Variants in TENM3 observed in about 807,000 individuals in gnomAD.
The protein encoded by TENM3 is teneurin-3.
Under a neutral mutation model 255.1 loss-of-function variants are expected in TENM3, and 63 were observed. The observed-to-expected ratio is 0.25, with a 90% CI of 0.20 to 0.30. The LOEUF (loss-of-function observed/expected upper bound fraction) is 0.30. Ranked by LOEUF, TENM3 falls within the 10% of genes least tolerant of loss-of-function variation. The probability of loss-of-function intolerance (pLI) is 1.00; values close to 1 mark genes in which losing one functional copy is unlikely to be tolerated. For missense variants in TENM3, 2,929 were observed against 3,461.1 expected (o/e 0.85, Z 3.86); for synonymous variants, 1,306 against 1,322.3 (o/e 0.99, Z 0.27).
At chr4:182,779,418 A>G (rs1179188468) in intron 24 of TENM3, among the ~76,000 whole-genome samples, 3 of 152,224 alleles carry the variant, frequency 2.0e-5, no homozygotes, top group African/African-American at 4.8e-5. Context: ...ATAGTATTCC[A>G]TGGTGTATAT....
chr4:182,725,912 A>G (rs1760135121), intron 13 of TENM3, among the ~76,000 whole-genome samples: 1 of 152,172 alleles, frequency 6.6e-6, no homozygotes, highest in Admixed American at 6.5e-5. Context: ...TGCTGGGATT[A>G]CAGGTGTGAG....
At chr4:181,546,551 T>A in the TENM3 span, among the ~76,000 whole-genome samples, 1 of 132,700 alleles carries the variant, frequency 7.5e-6, no homozygotes, top group African/African-American at 2.6e-5. Flanking sequence ...CCGTCTCTAC[T>A]AAAAATACAA....
the TENM3 span, among the ~76,000 whole-genome samples, chr4:182,021,813 A>G: frequency 6.6e-6 from 1 of 152,194 alleles, no homozygotes; most frequent in Non-Finnish European, 1.5e-5. Context: ...TTCTCTCTTC[A>G]ATATTTACTT....
chr4:182,089,530 A>G, the TENM3 span, among the ~76,000 whole-genome samples: 49,267 of 152,050 alleles, frequency 0.32, 8,298 homozygotes, highest in Non-Finnish European at 0.37. Context: ...TGCTGGCCAC[A>G]ATAATTAACA....
chr4:182,586,162 T>G (rs1300201844), intron 3 of TENM3, among the ~76,000 whole-genome samples: 2 of 152,000 alleles, frequency 1.3e-5, no homozygotes, highest in African/African-American at 2.4e-5. Context: ...GATGGTGAGG[T>G]GGGAGGATTC....
chr4:182,474,735 G>T (rs1382338937), intron 3 of TENM3, among the ~76,000 whole-genome samples: 1 of 152,038 alleles, frequency 6.6e-6, no homozygotes, highest in East Asian at 1.9e-4. Flanking sequence ...TTTCATTGTA[G>T]GCTGTAACCT....
chr4:181,636,331 C>CCG, the TENM3 span, among the ~76,000 whole-genome samples: 1 of 152,180 alleles, frequency 6.6e-6, no homozygotes, highest in Non-Finnish European at 1.5e-5. Context: ...GTGTGAGCCA[C>CCG]CGCCCATGGC....
At chr4:182,176,176 T>C (rs1251572183) in intron 1 of TENM3, among the ~76,000 whole-genome samples, 2 of 152,056 alleles carry the variant, frequency 1.3e-5, no homozygotes, top group East Asian at 3.9e-4. Flanking sequence ...GCCTCGTCTA[T>C]AGAAGGCGTG....
intron 3 of TENM3, among the ~76,000 whole-genome samples, chr4:182,424,357 T>A (rs1274655150): frequency 6.6e-6 from 1 of 152,166 alleles, no homozygotes; most frequent in African/African-American, 2.4e-5. Context: ...ATTTTGATCT[T>A]TCCCAGATTT....
chr4:181,812,772 A>G, the TENM3 span, among the ~76,000 whole-genome samples: 20 of 152,200 alleles, frequency 1.3e-4, no homozygotes, highest in Admixed American at 5.2e-4. Context: ...TCAGGGATCC[A>G]GAGGAATTTG....
In TENM3 at chr4:182,680,697, T is replaced by C. The variant is rs776043856; in HGVS notation, c.1794T>C (p.Cys598=). The change falls in exon 10 of 28, where the codon TGT becomes TGC. Residue 598 remains cysteine (C), a synonymous_variant. Coordinates refer to ENST00000511685, the MANE Select transcript of TENM3 (RefSeq NM_001080477.4). The part of the protein sequence containing the change: ...GGRGICIMGS[C]ACNSGYKGES... Reference sequence around the variant, plus strand: ...GTGGGATTTGTATCATGGGCTCTTGTGCTTGCAACTCAGGATACAAAGGAG... The same window carrying C: ...GTGGGATTTGTATCATGGGCTCTTGCGCTTGCAACTCAGGATACAAAGGAG... 1 of 1,588,722 alleles carries C rather than the reference T, an allele frequency of 6.3e-7. No individual in the cohort carries two copies. Among genetic ancestry groups the C allele is most frequent in the East Asian group, 2.2e-5 (1 of 44,556 alleles).
chr4:182,346,088 CA>C, intron 2 of TENM3, among the ~76,000 whole-genome samples: 1 of 151,922 alleles, frequency 6.6e-6, no homozygotes, highest in African/African-American at 2.4e-5. Flanking sequence ...TACATACATA[CA>C]TACATACATA....
At chr4:181,857,423 C>G in the TENM3 span, among the ~76,000 whole-genome samples, 1 of 151,774 alleles carries the variant, frequency 6.6e-6, no homozygotes, top group Non-Finnish European at 1.5e-5. Context: ...TGAAAAGAGA[C>G]TGGATTTTTG....
At chr4:182,592,230 GTGT>G (rs1330027096) in intron 3 of TENM3, among the ~76,000 whole-genome samples, 1 of 151,446 alleles carries the variant, frequency 6.6e-6, no homozygotes, top group Non-Finnish European at 1.5e-5. Context: ...GATCAGGGAA[GTGT>G]TGTTACCTGA....
At chr4:182,588,623 C>A (rs1053679105) in intron 3 of TENM3, among the ~76,000 whole-genome samples, 1 of 152,074 alleles carries the variant, frequency 6.6e-6, no homozygotes, top group Non-Finnish European at 1.5e-5. Flanking sequence ...TGCTTACTCT[C>A]TCAGGTAAAA....
At chr4:181,909,508 C>T in the TENM3 span, among the ~76,000 whole-genome samples, 336 of 152,166 alleles carry the variant, frequency 2.2e-3, 4 homozygotes, top group Admixed American at 2.6e-3. Context: ...CACCCAACAA[C>T]TCAGGGGGCA....
At chr4:181,863,709 T>A in the TENM3 span, among the ~76,000 whole-genome samples, 1 of 152,076 alleles carries the variant, frequency 6.6e-6, no homozygotes, top group East Asian at 1.9e-4. Context: ...CTTATGAAAC[T>A]TTTTGTGTGC....
intron 3 of TENM3, among the ~76,000 whole-genome samples, chr4:182,386,393 G>A (rs747251307): frequency 1.2e-4 from 19 of 152,214 alleles, no homozygotes; most frequent in South Asian, 2.1e-4. Flanking sequence ...AGGTGACAGC[G>A]TGCTGGCAGT....
At chr4:182,075,420 G>A in the TENM3 span, among the ~76,000 whole-genome samples, 16 of 151,884 alleles carry the variant, frequency 1.1e-4, no homozygotes, top group Middle Eastern at 3.2e-3. Context: ...GGATGGTCTC[G>A]ATCTCCTGAC....
Sources: gnomAD v4.1 joint callset for allele counts (sites outside exome capture counted in the v4.1 genomes callset) on GRCh38, gnomAD v4.1.1 for gene constraint, MANE v1.5 for transcripts, NCBI Gene and HGNC (gene_info 2026-07-23, HGNC 2026-07-21) for gene names.